Variants in FMNL2 observed in about 807,000 individuals in gnomAD.
FMNL2 encodes formin-like protein 2.
Under a neutral mutation model 130.2 loss-of-function variants are expected in FMNL2, and 51 were observed. The ratio of observed to expected loss-of-function variants is 0.39; its 90% CI spans 0.31 to 0.49. The LOEUF (loss-of-function observed/expected upper bound fraction) is 0.49, where lower values mean the gene tolerates loss of function less well. Ranked by LOEUF, FMNL2 falls within the 20% of genes least tolerant of loss-of-function variation. The pLI is 0.85. For missense variants in FMNL2, 977 were observed against 1,316.2 expected (o/e 0.74, Z 3.99); for synonymous variants, 465 against 467.1 (o/e 1.00, Z 0.06).
intron 6 of FMNL2, among the ~76,000 whole-genome samples, chr2:152,574,586 T>C (rs1275443530): frequency 6.6e-6 from 1 of 152,206 alleles, no homozygotes. Context: ...TGGTTTTCAT[T>C]AGTGTATCTT....
chr2:152,419,060 T>C (rs58710591), intron 1 of FMNL2, among the ~76,000 whole-genome samples: 16,092 of 151,942 alleles, frequency 0.11, 1,138 homozygotes, highest in Admixed American at 0.22. Context: ...TATGCATAGG[T>C]TTTTTAAAAC....
chr2:152,626,438 GT>G (rs1681791013), intron 16 of FMNL2, 86 bp from the exon 17 acceptor site: 3 of 1,147,506 alleles, frequency 2.6e-6, no homozygotes, highest in Non-Finnish European at 2.5e-6. Context: ...AAAAAGTGAC[GT>G]TTTTGCTTAA....
At chr2:152,488,865 G>A (rs554992489) in intron 1 of FMNL2, among the ~76,000 whole-genome samples, 3 of 151,952 alleles carry the variant, frequency 2.0e-5, no homozygotes, top group African/African-American at 7.2e-5. Flanking sequence ...ATCACTTGAG[G>A]CTAGGAGTTT....
chr2:152,599,473 G>GTGA (rs1697942917), intron 9 of FMNL2, among the ~76,000 whole-genome samples: 2 of 135,444 alleles, frequency 1.5e-5, no homozygotes, highest in Admixed American at 8.3e-5. Flanking sequence ...CATTGAAGGG[G>GTGA]TGATGCGTCA....
At chr2:152,436,950 A>G (rs146215341) in intron 1 of FMNL2, among the ~76,000 whole-genome samples, 42 of 152,304 alleles carry the variant, frequency 2.8e-4, no homozygotes, top group African/African-American at 9.1e-4. Flanking sequence ...TGGTGGCTTC[A>G]ACAACACATT....
intron 2 of FMNL2, among the ~76,000 whole-genome samples, chr2:152,532,618 T>A (rs992721880): frequency 2.0e-5 from 3 of 151,664 alleles, no homozygotes; most frequent in Non-Finnish European, 2.9e-5. Flanking sequence ...CTTATTTTTT[T>A]TTTTTTTGAG....
chr2:152,337,389 C>CTG (rs1352604514), intron 1 of FMNL2, among the ~76,000 whole-genome samples: 4 of 117,530 alleles, frequency 3.4e-5, no homozygotes, highest in Admixed American at 1.8e-4. Flanking sequence ...TGCTGTGGTG[C>CTG]TCTGTGTGTG....
intron 2 of FMNL2, among the ~76,000 whole-genome samples, chr2:152,531,505 C>G (rs6760139): frequency 0.6 from 90,656 of 150,774 alleles, 27,609 homozygotes; most frequent in Middle Eastern, 0.79. Context: ...GACAGAGTGT[C>G]GGTCTGTCAC....
chr2:152,366,513 C>T (rs1464698740), intron 1 of FMNL2, among the ~76,000 whole-genome samples: 1 of 152,082 alleles, frequency 6.6e-6, no homozygotes, highest in East Asian at 1.9e-4. Context: ...AGTGCATTTG[C>T]CTCTGCTGAA....
intron 1 of FMNL2, among the ~76,000 whole-genome samples, chr2:152,380,854 G>T (rs1053554136): frequency 1.3e-5 from 2 of 152,088 alleles, no homozygotes; most frequent in Non-Finnish European, 1.5e-5. Context: ...GAGCATGCAG[G>T]GTGGCGACAG....
intron 1 of FMNL2, among the ~76,000 whole-genome samples, chr2:152,450,356 C>T (rs1174861905): frequency 6.6e-6 from 1 of 152,198 alleles, no homozygotes; most frequent in Non-Finnish European, 1.5e-5. Context: ...AGAGCCAGCT[C>T]AGTTCTCTCC....
chr2:152,442,255 T>C (rs1220154426), intron 1 of FMNL2, among the ~76,000 whole-genome samples: 6 of 151,852 alleles, frequency 4.0e-5, no homozygotes, highest in African/African-American at 1.5e-4. Flanking sequence ...TCTTTTTCTT[T>C]TTCTTTTTTT....
intron 3 of FMNL2, among the ~76,000 whole-genome samples, chr2:152,546,046 T>C (rs975727860): frequency 1.3e-5 from 2 of 152,188 alleles, no homozygotes; most frequent in African/African-American, 4.8e-5. Flanking sequence ...CTGGTTTCGA[T>C]ACATAGCTCT....
intron 25 of FMNL2, 73 bp from the exon 26 acceptor site, chr2:152,647,723 G>C: frequency 7.0e-7 from 1 of 1,422,616 alleles, no homozygotes; most frequent in Non-Finnish European, 9.9e-7. Flanking sequence ...TTGGCTGCCA[G>C]CTGGCCTTTG....
At chr2:152,381,790 T>A (rs1044857855) in intron 1 of FMNL2, among the ~76,000 whole-genome samples, 1 of 149,344 alleles carries the variant, frequency 6.7e-6, no homozygotes, top group South Asian at 2.1e-4. Context: ...TTAGTTAGCA[T>A]AACAAACAGC....
chr2:152,646,032 G>C (rs1222287050), intron 25 of FMNL2, among the ~76,000 whole-genome samples: 1 of 151,992 alleles, frequency 6.6e-6, no homozygotes, highest in Non-Finnish European at 1.5e-5. Context: ...TTAAATTTAA[G>C]AGTAGAGGCT....
intron 25 of FMNL2, among the ~76,000 whole-genome samples, chr2:152,644,543 C>T (rs1187938076): frequency 6.6e-6 from 1 of 152,154 alleles, no homozygotes; most frequent in Admixed American, 6.5e-5. Flanking sequence ...TTTATGTCAC[C>T]CTACTTTAGT....
At chr2:152,482,128 A>T (rs1690559868) in intron 1 of FMNL2, among the ~76,000 whole-genome samples, 1 of 152,240 alleles carries the variant, frequency 6.6e-6, no homozygotes, top group South Asian at 2.1e-4. Flanking sequence ...GTAAATAGTC[A>T]ATGACAGGTC....
chr2:152,608,658 T>A (rs1420929858), intron 10 of FMNL2, among the ~76,000 whole-genome samples: 2 of 151,874 alleles, frequency 1.3e-5, no homozygotes, highest in Non-Finnish European at 2.9e-5. Flanking sequence ...TAGGATTTTT[T>A]AAAGAAGTTA....
Sources: allele counts gnomAD v4.1 joint callset (sites outside exome capture counted in the v4.1 genomes callset), GRCh38; gene constraint gnomAD v4.1.1; transcripts MANE v1.5; gene names NCBI Gene and HGNC (gene_info 2026-07-23, HGNC 2026-07-21).